Variants in MCTP1 observed in about 807,000 individuals in gnomAD.
MCTP1 encodes multiple C2 and transmembrane domain containing 1, also known as multiple C2 and transmembrane domain-containing protein 1.
Under a neutral mutation model 120.6 loss-of-function variants are expected in MCTP1, and 69 were observed. The observed-to-expected ratio is 0.57, with a 90% CI of 0.47 to 0.70. The LOEUF (loss-of-function observed/expected upper bound fraction) is 0.70. Ranked by LOEUF, MCTP1 falls within the 30% of genes least tolerant of loss-of-function variation. The probability of loss-of-function intolerance (pLI) is 0.00; values close to 1 mark genes in which losing one functional copy is unlikely to be tolerated. For missense variants in MCTP1, 1,203 were observed against 1,248.8 expected (o/e 0.96, Z 0.55); for synonymous variants, 529 against 493.1 (o/e 1.07, Z -0.96).
chr5:94,748,385 G>A (rs1483221640), intron 19 of MCTP1, among the ~76,000 whole-genome samples: 1 of 152,222 alleles, frequency 6.6e-6, no homozygotes, highest in African/African-American at 2.4e-5. Flanking sequence ...GCTTCTCAGA[G>A]TAGTTCTGAG....
chr5:95,236,074 A>T (rs907126657), intron 1 of MCTP1, among the ~76,000 whole-genome samples: 2 of 152,230 alleles, frequency 1.3e-5, no homozygotes, highest in African/African-American at 4.8e-5. Context: ...GACTAACTCA[A>T]CTGGAAGAAC....
chr5:95,102,404 C>T (rs148910393), intron 1 of MCTP1, among the ~76,000 whole-genome samples: 8 of 152,314 alleles, frequency 5.3e-5, no homozygotes, highest in Non-Finnish European at 1.2e-4. Context: ...ACCTGCAGGA[C>T]TATGAGCTAT....
chr5:94,912,755 C>T (rs1415061297), intron 9 of MCTP1, 51 bp downstream of exon 9: 4 of 1,436,436 alleles, frequency 2.8e-6, no homozygotes, highest in Non-Finnish European at 3.7e-6. Flanking sequence ...GGGCTATTAA[C>T]CAACCAATGC....
chr5:95,175,947 C>T (rs1747921464), intron 1 of MCTP1, among the ~76,000 whole-genome samples: 1 of 152,130 alleles, frequency 6.6e-6, no homozygotes, highest in South Asian at 2.1e-4. Context: ...GAAGTGCTAG[C>T]AGAATATCAG....
At chr5:94,919,374 T>C (rs1469910638) in intron 7 of MCTP1, among the ~76,000 whole-genome samples, 1 of 152,062 alleles carries the variant, frequency 6.6e-6, no homozygotes, top group Non-Finnish European at 1.5e-5. Flanking sequence ...GATTTAAAAA[T>C]GGAAAATTAA....
At chr5:95,206,559 G>A (rs151132525) in intron 1 of MCTP1, among the ~76,000 whole-genome samples, 482 of 152,098 alleles carry the variant, frequency 3.2e-3, no homozygotes, top group African/African-American at 0.011. Context: ...TTTTTGAGAC[G>A]GAGTCTCACT....
intron 19 of MCTP1, among the ~76,000 whole-genome samples, chr5:94,770,687 C>G (rs1045323153): frequency 2.6e-5 from 4 of 152,204 alleles, no homozygotes; most frequent in African/African-American, 9.7e-5. Flanking sequence ...AGAAACCCAC[C>G]ACCAGCCGGA....
intron 17 of MCTP1, among the ~76,000 whole-genome samples, chr5:94,852,062 C>T (rs982066110): frequency 2.0e-5 from 3 of 151,408 alleles, no homozygotes; most frequent in Non-Finnish European, 3.0e-5. Context: ...ATTGTTCAGC[C>T]AAAATTTTAA....
At chr5:94,878,635 G>A (rs75379924) in intron 12 of MCTP1, among the ~76,000 whole-genome samples, 1,655 of 152,042 alleles carry the variant, frequency 0.011, 32 homozygotes, top group African/African-American at 0.038. Flanking sequence ...TAAATAGAAA[G>A]TTGTTTACAA....
intron 2 of MCTP1, among the ~76,000 whole-genome samples, chr5:94,994,416 C>G (rs1367678050): frequency 2.0e-5 from 3 of 152,158 alleles, no homozygotes; most frequent in Non-Finnish European, 4.4e-5. Context: ...AGGAAAATAG[C>G]CTACGGTGAG....
At chr5:95,188,144 T>C (rs760883704) in intron 1 of MCTP1, among the ~76,000 whole-genome samples, 5 of 151,964 alleles carry the variant, frequency 3.3e-5, no homozygotes, top group Non-Finnish European at 7.4e-5. Context: ...AGATGGCAAA[T>C]GAGTACATGA....
intron 2 of MCTP1, among the ~76,000 whole-genome samples, chr5:94,971,803 A>G (rs1826953955): frequency 6.6e-6 from 1 of 152,140 alleles, no homozygotes; most frequent in South Asian, 2.1e-4. Context: ...GTTAAAAATA[A>G]ACTTCTATTA....
At chr5:94,769,263 T>C (rs1773524202) in intron 19 of MCTP1, among the ~76,000 whole-genome samples, 1 of 152,126 alleles carries the variant, frequency 6.6e-6, no homozygotes. Context: ...GATTGGTTAA[T>C]GGAAACAAAC....
intron 1 of MCTP1, among the ~76,000 whole-genome samples, chr5:95,235,875 C>T (rs945541922): frequency 3.3e-5 from 5 of 152,126 alleles, no homozygotes; most frequent in Non-Finnish European, 7.4e-5. Context: ...GTTGAGCCTC[C>T]CTGAGCTACT....
At chr5:94,944,790 C>G (rs181305818) in intron 3 of MCTP1, among the ~76,000 whole-genome samples, 56 of 149,702 alleles carry the variant, frequency 3.7e-4, no homozygotes, top group Admixed American at 3.6e-3. Flanking sequence ...ATTAGCTATG[C>G]TGTTTGGTTC....
chr5:94,758,653 ATATT>A (rs1257749209), intron 19 of MCTP1, among the ~76,000 whole-genome samples: 1 of 152,172 alleles, frequency 6.6e-6, no homozygotes, highest in Admixed American at 6.5e-5. Flanking sequence ...GGGAAGGTGA[ATATT>A]TATGAATAAA....
intron 2 of MCTP1, among the ~76,000 whole-genome samples, chr5:94,997,047 G>A (rs1434123469): frequency 6.6e-6 from 1 of 152,070 alleles, no homozygotes; most frequent in African/African-American, 2.4e-5. Context: ...TAAGGTACTC[G>A]ATCACCACAG....
chr5:94,769,035 C>A (rs1773465438), intron 19 of MCTP1, among the ~76,000 whole-genome samples: 1 of 151,968 alleles, frequency 6.6e-6, no homozygotes, highest in Non-Finnish European at 1.5e-5. Flanking sequence ...ACATATGTAC[C>A]CAATGGAATG....
At chr5:95,097,148 C>T (rs1013514470) in intron 1 of MCTP1, among the ~76,000 whole-genome samples, 1 of 151,766 alleles carries the variant, frequency 6.6e-6, no homozygotes, top group African/African-American at 2.4e-5. Context: ...CCTATGATAT[C>T]AATTCTAAAA....
Sources: allele counts gnomAD v4.1 joint callset (sites outside exome capture counted in the v4.1 genomes callset), GRCh38; gene constraint gnomAD v4.1.1; transcripts MANE v1.5; gene names NCBI Gene and HGNC (gene_info 2026-07-23, HGNC 2026-07-21).